CAST: variants seen among roughly 807,000 people sequenced by gnomAD.
The protein encoded by CAST is calpastatin.
A neutral mutation model predicts 119.6 loss-of-function variants in CAST; 76 were observed. The observed-to-expected ratio is 0.64, with a 90% confidence interval of 0.53 to 0.77. The LOEUF is 0.77. Among genes scored for constraint, CAST ranks in the 30% least tolerant of loss-of-function variants. The pLI, the probability that CAST is intolerant of heterozygous loss-of-function variation, is 0.00. For missense variants in CAST, 953 were observed against 946.5 expected, an observed-to-expected ratio of 1.01 and a Z score of -0.09; for synonymous variants, 319 against 331.6, an observed-to-expected ratio of 0.96 and a Z score of 0.41.
the CAST span, among the ~76,000 whole-genome samples, chr5:96,492,357 T>A: frequency 6.6e-6 from 1 of 152,226 alleles, no homozygotes; most frequent in Non-Finnish European, 1.5e-5. Flanking sequence ...TACTTTCTAT[T>A]GTCTCAATAT....
the CAST span, among the ~76,000 whole-genome samples, chr5:96,307,630 C>G: frequency 6.6e-6 from 1 of 152,128 alleles, no homozygotes; most frequent in African/African-American, 2.4e-5. Flanking sequence ...TTCAGGAGCT[C>G]TTGTAAGGCA....
intron 3 of CAST, among the ~76,000 whole-genome samples, chr5:96,718,410 G>A (rs1206754849): frequency 1.3e-5 from 2 of 151,994 alleles, no homozygotes; most frequent in Non-Finnish European, 2.9e-5. Context: ...GGAGGGAGGA[G>A]GGTAAGGATT....
At chr5:96,631,723 G>A (rs982967103) in intron 1 of CAST, among the ~76,000 whole-genome samples, 7 of 151,848 alleles carry the variant, frequency 4.6e-5, no homozygotes, top group Admixed American at 6.6e-5. Context: ...TAGTAGAGAT[G>A]GGGTTTCACC....
chr5:96,279,125 G>A, the CAST span, among the ~76,000 whole-genome samples: 1,160 of 152,212 alleles, frequency 7.6e-3, 14 homozygotes, highest in African/African-American at 0.026. Flanking sequence ...TTGGTCTCTC[G>A]GGTGGACTTC....
chr5:96,386,288 T>A, the CAST span, among the ~76,000 whole-genome samples: 1 of 152,216 alleles, frequency 6.6e-6, no homozygotes, highest in African/African-American at 2.4e-5. Flanking sequence ...TTCAATATCT[T>A]CTTTTCCCTC....
chr5:96,307,337 A>G, the CAST span, among the ~76,000 whole-genome samples: 1 of 152,092 alleles, frequency 6.6e-6, no homozygotes, highest in African/African-American at 2.4e-5. Flanking sequence ...TTTTGAGCCT[A>G]TGTGTGTCTT....
the CAST span, among the ~76,000 whole-genome samples, chr5:96,370,942 A>C: frequency 6.6e-6 from 1 of 152,160 alleles, no homozygotes; most frequent in Non-Finnish European, 1.5e-5. Context: ...AAGCCAAGTT[A>C]ATGTCCACAA....
At chr5:96,684,481 T>G (rs1422048468) in intron 2 of CAST, among the ~76,000 whole-genome samples, 1 of 152,138 alleles carries the variant, frequency 6.6e-6, no homozygotes, top group African/African-American at 2.4e-5. Flanking sequence ...TTAACTTTAG[T>G]AGCACTTTTG....
At chr5:96,597,635 C>T (rs546143090) in intron 1 of CAST, among the ~76,000 whole-genome samples, 1 of 152,314 alleles carries the variant, frequency 6.6e-6, no homozygotes, top group African/African-American at 2.4e-5. Context: ...TCATCCTACC[C>T]GTGATGAACT....
At chr5:96,413,982 A>AAG in the CAST span, among the ~76,000 whole-genome samples, 2 of 147,970 alleles carry the variant, frequency 1.4e-5, no homozygotes, top group African/African-American at 5.0e-5. Flanking sequence ...AAAAAAAAAA[A>AAG]AAAAAAATTA....
chr5:96,612,714 C>A (rs1179218739), intron 1 of CAST, among the ~76,000 whole-genome samples: 1 of 152,140 alleles, frequency 6.6e-6, no homozygotes, highest in Non-Finnish European at 1.5e-5. Context: ...TTAATATGCT[C>A]TTTCTTACAC....
chr5:96,238,335 TTCTTCTTCTTCA>T, the CAST span, among the ~76,000 whole-genome samples: 11 of 44,210 alleles, frequency 2.5e-4, no homozygotes, highest in African/African-American at 6.6e-4. Context: ...CTTCTTCTTC[TTCTTCTTCTTCA>T]TCTTCATCTT....
At chr5:95,991,706 A>G in the CAST span, among the ~76,000 whole-genome samples, 1 of 151,664 alleles carries the variant, frequency 6.6e-6, no homozygotes, top group Non-Finnish European at 1.5e-5. Flanking sequence ...GGATCTCACC[A>G]TGTTGGCCAG....
the CAST span, among the ~76,000 whole-genome samples, chr5:95,987,771 G>C: frequency 9.2e-5 from 14 of 152,166 alleles, no homozygotes; most frequent in African/African-American, 3.4e-4. Flanking sequence ...ATTGAGATGG[G>C]TCTATTGCTG....
chr5:96,260,832 G>C, the CAST span, among the ~76,000 whole-genome samples: 348 of 152,306 alleles, frequency 2.3e-3, 6 homozygotes, highest in African/African-American at 7.9e-3. Flanking sequence ...GCTTAATTTA[G>C]CCCAGGTTGT....
At chr5:96,509,808 C>T in the CAST span, among the ~76,000 whole-genome samples, 14 of 152,190 alleles carry the variant, frequency 9.2e-5, no homozygotes. Flanking sequence ...TGTATTTGTA[C>T]CGTTGTCTAA....
the CAST span, among the ~76,000 whole-genome samples, chr5:96,006,358 T>A: frequency 6.7e-6 from 1 of 148,410 alleles, no homozygotes; most frequent in Non-Finnish European, 1.5e-5. Flanking sequence ...CAATAGCTGA[T>A]GAGCTAAAAA....
the CAST span, among the ~76,000 whole-genome samples, chr5:96,306,744 T>A: frequency 1.3e-5 from 2 of 152,224 alleles, no homozygotes. Flanking sequence ...TCAGTTTTTA[T>A]GTAATTGTGT....
chr5:96,595,904 T>C (rs1291597202), intron 1 of CAST, among the ~76,000 whole-genome samples: 1 of 152,128 alleles, frequency 6.6e-6, no homozygotes, highest in African/African-American at 2.4e-5. Flanking sequence ...GAGAGAAGGC[T>C]TCCTGGAGGA....
Sources: allele counts gnomAD v4.1 joint callset (sites outside exome capture counted in the v4.1 genomes callset), GRCh38; gene constraint gnomAD v4.1.1; transcripts MANE v1.5; gene names NCBI Gene and HGNC (gene_info 2026-07-23, HGNC 2026-07-21).